The following SOX5 variants were observed in gnomAD, a reference collection of about 807,000 sequenced individuals.
SOX5 encodes the protein transcription factor SOX-5.
Under a neutral mutation model 92.0 loss-of-function variants are expected in SOX5, and 9 were observed. The ratio of observed to expected loss-of-function variants is 0.10; its 90% CI spans 0.06 to 0.17. The LOEUF (loss-of-function observed/expected upper bound fraction) is 0.17. SOX5 is among the 10% of genes least tolerant of loss of function. The pLI is 1.00. For missense variants in SOX5, 642 were observed against 944.5 expected, an observed-to-expected ratio of 0.68 and a Z score of 4.20; for synonymous variants, 344 against 336.3, an observed-to-expected ratio of 1.02 and a Z score of -0.25.
At chr12:23,715,246 C>A (rs1261798091) in intron 6 of SOX5, among the ~76,000 whole-genome samples, 1 of 151,186 alleles carries the variant, frequency 6.6e-6, no homozygotes, top group Non-Finnish European at 1.5e-5. Flanking sequence ...TTGCAGTGAG[C>A]CGAGATAGTG....
At chr12:23,843,940 G>A (rs1161749519) in intron 3 of SOX5, among the ~76,000 whole-genome samples, 2 of 152,176 alleles carry the variant, frequency 1.3e-5, no homozygotes, top group Non-Finnish European at 2.9e-5. Context: ...GAAATAGGAA[G>A]CACAATATTT....
intron 3 of SOX5, among the ~76,000 whole-genome samples, chr12:23,780,653 A>C (rs1488577592): frequency 1.3e-5 from 2 of 152,112 alleles, no homozygotes; most frequent in Admixed American, 6.5e-5. Context: ...AGAGTAAGTG[A>C]AAAGTTTTGT....
chr12:24,433,114 A>G (rs1246936104), intron 1 of SOX5, among the ~76,000 whole-genome samples: 1 of 152,230 alleles, frequency 6.6e-6, no homozygotes, highest in Non-Finnish European at 1.5e-5. Flanking sequence ...AACAATCTAT[A>G]TGAAGATAGA....
At chr12:24,313,479 A>G (rs1664393928) in intron 2 of SOX5, among the ~76,000 whole-genome samples, 1 of 152,160 alleles carries the variant, frequency 6.6e-6, no homozygotes, top group Non-Finnish European at 1.5e-5. Flanking sequence ...ACAGTGAGCT[A>G]TGATCATACC....
chr12:23,723,689 A>G (rs1025696144), intron 6 of SOX5, among the ~76,000 whole-genome samples: 5 of 151,752 alleles, frequency 3.3e-5, no homozygotes, highest in Admixed American at 6.6e-5. Flanking sequence ...AAAAAGATAT[A>G]TAGAAACCTA....
intron 4 of SOX5, among the ~76,000 whole-genome samples, chr12:23,989,811 AG>A: frequency 6.6e-6 from 1 of 152,296 alleles, no homozygotes; most frequent in South Asian, 2.1e-4. Flanking sequence ...TCCAGCCTCT[AG>A]AACTGTAAGA....
chr12:24,173,877 C>T (rs369373215), intron 4 of SOX5, among the ~76,000 whole-genome samples: 2 of 152,274 alleles, frequency 1.3e-5, no homozygotes, highest in East Asian at 3.9e-4. Context: ...TGATGATCCA[C>T]AAAGCAATGT....
At chr12:24,439,925 G>A (rs149352245) in intron 1 of SOX5, among the ~76,000 whole-genome samples, 2 of 152,190 alleles carry the variant, frequency 1.3e-5, no homozygotes, top group African/African-American at 4.8e-5. Flanking sequence ...AAATCTCATT[G>A]CTAGACATAT....
Position 23,645,527 on chromosome 12 carries a change from C to T in SOX5, c.932-4630G>A, listed in dbSNP as rs548934296. 3.5e-4 allele frequency among the ~76,000 whole-genome samples: 54 copies of T among 152,238 alleles called. 1 individual carries two copies. In the South Asian group the frequency reaches 0.011, roughly 30 times the overall value. On this transcript the variant is annotated intron_variant, in intron 7 of 14. Coordinates refer to ENST00000451604, the MANE Select transcript of SOX5 (RefSeq NM_006940.6). ...ATCACCTGGTTCTCCATCCTAGAGA[C>T]AAAGACGTATTCCTAAATTTGTTTA...
intron 4 of SOX5, among the ~76,000 whole-genome samples, chr12:24,006,396 T>C (rs910889974): frequency 1.3e-5 from 2 of 152,168 alleles, no homozygotes; most frequent in African/African-American, 4.8e-5. Context: ...ATCCTGAAAT[T>C]CTGTTTATCA....
intron 2 of SOX5, among the ~76,000 whole-genome samples, chr12:24,359,493 G>A (rs374703241): frequency 2.6e-5 from 4 of 152,118 alleles, no homozygotes; most frequent in Non-Finnish European, 5.9e-5. Context: ...ATGTTTACAA[G>A]GGGCACTAAA....
At chr12:24,505,219 G>A (rs1948604475) in intron 1 of SOX5, among the ~76,000 whole-genome samples, 1 of 152,140 alleles carries the variant, frequency 6.6e-6, no homozygotes, top group African/African-American at 2.4e-5. Context: ...ATCAACATCT[G>A]TGTAAAATCA....
At chr12:24,335,599 G>A (rs1951795359) in intron 2 of SOX5, among the ~76,000 whole-genome samples, 2 of 152,020 alleles carry the variant, frequency 1.3e-5, no homozygotes, top group Non-Finnish European at 2.9e-5. Flanking sequence ...GGACCTTAAC[G>A]ACCATGCTGT....
At chr12:24,140,648 T>C (rs778918305) in intron 4 of SOX5, among the ~76,000 whole-genome samples, 2 of 152,136 alleles carry the variant, frequency 1.3e-5, no homozygotes, top group Non-Finnish European at 2.9e-5. Context: ...ACCCAATCAC[T>C]TTCAAAACAA....
intron 1 of SOX5, among the ~76,000 whole-genome samples, chr12:24,511,211 C>A (rs1338611150): frequency 1.3e-5 from 2 of 152,176 alleles, no homozygotes; most frequent in Non-Finnish European, 2.9e-5. Flanking sequence ...GAAAAATTTT[C>A]TTTCAATTTT....
chr12:23,644,389 T>C (rs180863185), intron 7 of SOX5, among the ~76,000 whole-genome samples: 1 of 152,322 alleles, frequency 6.6e-6, no homozygotes, highest in African/African-American at 2.4e-5. Flanking sequence ...TGTGTCCAAA[T>C]AAATGTTTGT....
At chr12:24,411,299 T>A (rs1438450094) in intron 1 of SOX5, among the ~76,000 whole-genome samples, 4 of 152,240 alleles carry the variant, frequency 2.6e-5, no homozygotes, top group Admixed American at 2.6e-4. Context: ...TCCATATGCT[T>A]TTAATTACAA....
At chr12:23,872,396 T>G (rs1195031189) in intron 2 of SOX5, among the ~76,000 whole-genome samples, 1 of 151,924 alleles carries the variant, frequency 6.6e-6, no homozygotes, top group Admixed American at 6.6e-5. Context: ...TCTACGAGCT[T>G]TCACCATCAA....
At chr12:23,628,733 T>A (rs917136727) in intron 8 of SOX5, among the ~76,000 whole-genome samples, 1 of 151,844 alleles carries the variant, frequency 6.6e-6, no homozygotes, top group African/African-American at 2.4e-5. Flanking sequence ...GTACCCTCAA[T>A]TTGGCAGGAA....
Sources: gnomAD v4.1 joint callset for allele counts (sites outside exome capture counted in the v4.1 genomes callset) on GRCh38, gnomAD v4.1.1 for gene constraint, MANE v1.5 for transcripts, NCBI Gene and HGNC (gene_info 2026-07-23, HGNC 2026-07-21) for gene names.